The following TESMIN variants were observed in gnomAD, a reference collection of about 807,000 sequenced individuals.
TESMIN encodes CXC domain containing 2.
A neutral mutation model predicts 47.4 loss-of-function variants in TESMIN; 34 were observed. That is an observed-to-expected ratio of 0.72 (90% CI 0.55 to 0.96). The LOEUF (loss-of-function observed/expected upper bound fraction) is 0.96. Ranked by LOEUF, TESMIN falls within the 40% of genes least tolerant of loss-of-function variation. The pLI is 0.00. For missense variants in TESMIN, 610 were observed against 637.2 expected (o/e 0.96, Z 0.46); for synonymous variants, 278 against 258.9 (o/e 1.07, Z -0.71).
intron 3 of TESMIN, among the ~76,000 whole-genome samples, chr11:68,745,951 C>A (rs1371077894): frequency 6.6e-6 from 1 of 152,268 alleles, no homozygotes; most frequent in South Asian, 2.1e-4. Flanking sequence ...CTGGCAGAAC[C>A]ACAACTACAC....
intron 5 of TESMIN, among the ~76,000 whole-genome samples, chr11:68,739,677 G>T (rs1594299567): frequency 6.6e-6 from 1 of 152,254 alleles, no homozygotes; most frequent in East Asian, 1.9e-4. Flanking sequence ...CACTGAGAAA[G>T]CCTCCTGGGT....
At chr11:68,742,488 T>A (rs1946468911) in intron 4 of TESMIN, 94 bp from the exon 5 acceptor site, 1 of 702,282 alleles carries the variant, frequency 1.4e-6, no homozygotes, top group Non-Finnish European at 2.3e-6. Flanking sequence ...TATGGACATG[T>A]CCTGTGCAAA....
rs1594305943 is a variant in TESMIN at position 68,750,312 on chromosome 11, G to C, written c.349C>G (p.Pro117Ala). Residue 117 changes from proline to alanine, a missense_variant, in exon 2 of 10, where the codon CCG becomes GCG. By Grantham distance (27) the Pro-to-Ala change is conservative. Coordinates refer to ENST00000255087, the MANE Select transcript of TESMIN (RefSeq NM_004923.3). ...AGGAAGTGCACGTTGCAGGCGGGCG[G>C]CTGCGGGGCCTGCAGGAGCGCGACG... The part of the protein sequence containing the change: ...EDVALLQAPQ[P>A]PACNVHFLSS... The C allele has an allele frequency of 2.6e-6, 4 of 1,521,886 alleles. No homozygotes were observed. The East Asian group carries it at 9.7e-5, about 37-fold the overall frequency. 94.3% of individuals were successfully genotyped at this position (1,521,886 alleles called of 1,614,324 possible).
At chr11:68,711,877 C>T (rs1451244227) in intron 8 of TESMIN, among the ~76,000 whole-genome samples, 1 of 152,250 alleles carries the variant, frequency 6.6e-6, no homozygotes, top group African/African-American at 2.4e-5. Flanking sequence ...AGCAAGCCCC[C>T]TCTTGCCCCC....
chr11:68,717,366 C>T (rs537367129), intron 6 of TESMIN, among the ~76,000 whole-genome samples: 6 of 152,256 alleles, frequency 3.9e-5, no homozygotes, highest in Non-Finnish European at 8.8e-5. Context: ...GTCTGGGCAT[C>T]AGACCAGAGA....
intron 1 of TESMIN, 126 bp from the exon 2 acceptor site, chr11:68,750,825 GGC>G (rs56093834): frequency 0.035 from 6,576 of 190,302 alleles, 1,434 homozygotes; most frequent in Admixed American, 0.071. Flanking sequence ...CCAGGTGAGG[GGC>G]GGCTAGGGGA....
intron 7 of TESMIN, among the ~76,000 whole-genome samples, chr11:68,714,803 T>C (rs1037885747): frequency 5.9e-5 from 9 of 152,254 alleles, no homozygotes; most frequent in Non-Finnish European, 8.8e-5. Flanking sequence ...GATCATAGCA[T>C]ACACAAAGGT....
At position 68,751,406 on chromosome 11, in the gene TESMIN, T is replaced by A. The variant is rs1946607077; in HGVS notation, c.-40+14A>T. The A allele has an allele frequency of 6.6e-6, 1 of 151,860 alleles. No homozygotes were observed. Among genetic ancestry groups the A allele is most frequent in the Non-Finnish European group, 1.5e-5 (1 of 68,090 alleles). The allele number at this position is 151,860 out of a possible 1,614,324, so 9.4% of individuals were successfully genotyped here. ...CCGGGGACCGCCCCGTCATTCCTCC[T>A]CGGAGGGACGCACCTGGGGCCGCCG... On this transcript the variant is annotated intron_variant, in intron 1 of 9. Coordinates refer to ENST00000255087, the MANE Select transcript of TESMIN (RefSeq NM_004923.3).
At chr11:68,711,135 C>A (rs954529497) in intron 8 of TESMIN, 86 bp from the exon 9 acceptor site, 15 of 1,183,926 alleles carry the variant, frequency 1.3e-5, no homozygotes, top group East Asian at 7.2e-5. Flanking sequence ...TTAAATAATT[C>A]TTCGCGTATA....
At position 68,750,200 on chromosome 11, in the gene TESMIN, C is replaced by A. The variant is rs865945824; in HGVS notation, c.461G>T (p.Arg154Leu). 4.0e-6 allele frequency: 6 copies of A among 1,485,508 alleles called. No homozygotes were observed. The highest frequency in any genetic ancestry group is 2.9e-5 in the African/African-American group (2 of 68,592). 92.0% of individuals were successfully genotyped at this position (1,485,508 alleles called of 1,614,324 possible). Residue 154 changes from arginine (R) to leucine (L), a missense_variant, in exon 2 of 10, where the codon CGC (arginine) becomes CTC (leucine). Transcript: ENST00000255087. ...VLEGASHPGV[R>L]MIPVEIKEAG... is the part of the protein sequence containing the mutation. ...CCAGGCGGTTCTTACTGGGATCATGCGGACGCCCGGGTGGGAGGCTCCTTC... is the reference window on the plus strand; with the variant it reads ...CCAGGCGGTTCTTACTGGGATCATGAGGACGCCCGGGTGGGAGGCTCCTTC...
At chr11:68,711,651 CTAGCT>C (rs1201187156) in intron 8 of TESMIN, among the ~76,000 whole-genome samples, 1 of 152,190 alleles carries the variant, frequency 6.6e-6, no homozygotes, top group African/African-American at 2.4e-5. Context: ...TTATAAAACT[CTAGCT>C]TATGGTTCTC....
chr11:68,749,907 C>A (rs906238677), intron 2 of TESMIN, among the ~76,000 whole-genome samples: 3 of 152,184 alleles, frequency 2.0e-5, no homozygotes, highest in Non-Finnish European at 4.4e-5. Context: ...AGCTTTCCCC[C>A]TTTTTTTGTT....
intron 8 of TESMIN, among the ~76,000 whole-genome samples, chr11:68,712,686 C>T (rs1946087252): frequency 6.6e-6 from 1 of 152,220 alleles, no homozygotes; most frequent in Non-Finnish European, 1.5e-5. Flanking sequence ...AAGCTTTTGT[C>T]CAGGCCGTGA....
chr11:68,742,278 A>G, intron 5 of TESMIN, 40 bp downstream of exon 5: 1 of 1,223,260 alleles, frequency 8.2e-7, no homozygotes, highest in Non-Finnish European at 1.2e-6. Context: ...AAGAGACAAT[A>G]ATGCAAAATT....
intron 9 of TESMIN, among the ~76,000 whole-genome samples, chr11:68,710,029 G>A (rs1946043919): frequency 2.0e-5 from 3 of 152,124 alleles, no homozygotes; most frequent in Admixed American, 6.5e-5. Context: ...GTGGTGGTGC[G>A]TGCCTGTAGT....
chr11:68,747,155 G>C (rs776453205), intron 3 of TESMIN, 53 bp downstream of exon 3: 62 of 1,523,330 alleles, frequency 4.1e-5, no homozygotes, highest in Non-Finnish European at 4.8e-5. Context: ...GTAATGATGG[G>C]GTCCAGCATT....
Position 68,750,575 on chromosome 11 carries a change from G to A in TESMIN, c.86C>T (p.Ala29Val). The A allele has an allele frequency of 6.2e-7, 1 of 1,607,906 alleles. No homozygotes were observed. The highest frequency in any genetic ancestry group is 8.5e-7 in the Non-Finnish European group (1 of 1,178,044). ...GGCCTTCAGGCCGATGTTCTCCGAAGCGAACGGACCCTCGGGGCTTAAGAG... is the reference window on the plus strand; with the variant it reads ...GGCCTTCAGGCCGATGTTCTCCGAAACGAACGGACCCTCGGGGCTTAAGAG... ...TELLSPEGPF[A>V]SENIGLKAPV... Residue 29 changes from alanine to valine, a missense_variant, in exon 2 of 10, where the codon GCT (alanine) becomes GTT (valine). Ala to Val is a moderately conservative substitution (Grantham distance 64). Transcript: ENST00000255087.
At chr11:68,739,898 A>G (rs1376683004) in intron 5 of TESMIN, among the ~76,000 whole-genome samples, 2 of 152,236 alleles carry the variant, frequency 1.3e-5, no homozygotes, top group Admixed American at 6.5e-5. Context: ...AAAGGATGTC[A>G]TAGTTCTCAG....
At position 68,710,683 on chromosome 11, in the gene TESMIN, G is replaced by T. The variant is rs776408065; in HGVS notation, c.1334+191C>A. ...AGAGGACAAAACAGGTTTCTGCAGC[G>T]GGGCCTCTAAGGAAACACAGTGGCC... is the stretch of plus-strand genomic sequence containing the variant. On this transcript the variant is annotated intron_variant, in intron 9 of 9. Transcript: ENST00000255087. 4 of 540,456 alleles carry T rather than the reference G, an allele frequency of 7.4e-6. No individual in the cohort carries two copies. The South Asian group carries it at 1.1e-4, about 15-fold the overall frequency. 33.5% of individuals were successfully genotyped at this position (540,456 alleles called of 1,614,324 possible). A position where few individuals can be genotyped will look rare whatever the true frequency, so the allele number is the denominator to read the frequency against.
Sources: allele counts gnomAD v4.1 joint callset (sites outside exome capture counted in the v4.1 genomes callset), GRCh38; gene constraint gnomAD v4.1.1; transcripts MANE v1.5; gene names NCBI Gene and HGNC (gene_info 2026-07-23, HGNC 2026-07-21).